The following SHISA6 variants were observed in gnomAD, a reference collection of about 807,000 sequenced individuals.
SHISA6 encodes the protein shisa family member 6.
In SHISA6, 22 loss-of-function variants were observed where a neutral mutation model predicts 47.9. The ratio of observed to expected loss-of-function variants is 0.46; its 90% CI spans 0.33 to 0.66. The LOEUF is 0.66. Among genes scored for constraint, SHISA6 ranks in the 30% least tolerant of loss-of-function variants. SHISA6 has a pLI of 0.02. For synonymous variants in SHISA6, 388 were observed against 337.8 expected (o/e 1.15, Z -1.63); for missense variants, 680 against 764.6 (o/e 0.89, Z 1.30).
At position 11,530,867 on chromosome 17, in the gene SHISA6, G is replaced by A. The variant is rs143217242; in HGVS notation, c.896-21029G>A. Among the ~76,000 whole-genome samples, 230 of 152,264 alleles carry A rather than the reference G, an allele frequency of 1.5e-3. 2 individuals carry two copies. The East Asian group carries it at 0.016, about 10-fold the overall frequency. ...TGTAATGATGGCCGACGTTTCTCAC[G>A]CTAACAAGCTAACTTTCTTCACCAT... On this transcript the variant is annotated intron_variant, in intron 3 of 5. Transcript: ENST00000441885.
intron 3 of SHISA6, among the ~76,000 whole-genome samples, chr17:11,444,295 G>A (rs1239301531): frequency 6.6e-6 from 1 of 152,064 alleles, no homozygotes; most frequent in African/African-American, 2.4e-5. Flanking sequence ...CTCTAGCCTA[G>A]GTGACAGAGT....
intron 2 of SHISA6, among the ~76,000 whole-genome samples, chr17:11,279,911 C>G (rs1909064261): frequency 6.6e-6 from 1 of 152,120 alleles, no homozygotes. Context: ...AAACACCTGG[C>G]TCCTTAGATT....
At chr17:11,369,701 C>T (rs769726666) in intron 2 of SHISA6, among the ~76,000 whole-genome samples, 6 of 152,114 alleles carry the variant, frequency 3.9e-5, no homozygotes, top group Admixed American at 6.5e-5. Context: ...CTCTTCTGCC[C>T]GGCTCTTTTC....
chr17:11,410,499 G>C (rs2142271874), intron 3 of SHISA6, among the ~76,000 whole-genome samples: 1 of 152,290 alleles, frequency 6.6e-6, no homozygotes, highest in South Asian at 2.1e-4. Flanking sequence ...GGTCCAATTA[G>C]AGTTAGGGTT....
At chr17:11,331,740 TCAAACACA>T (rs1464534025) in intron 2 of SHISA6, among the ~76,000 whole-genome samples, 1 of 105,836 alleles carries the variant, frequency 9.4e-6, no homozygotes, top group Admixed American at 1.0e-4. Flanking sequence ...CAGGGCTCTC[TCAAACACA>T]CACACACACA....
chr17:11,334,769 A>T (rs1466926668), intron 2 of SHISA6, among the ~76,000 whole-genome samples: 1 of 152,210 alleles, frequency 6.6e-6, no homozygotes, highest in Admixed American at 6.5e-5. Context: ...TGTGGATGGA[A>T]TACTGGCCTT....
intron 2 of SHISA6, among the ~76,000 whole-genome samples, chr17:11,287,044 T>C (rs1909324920): frequency 6.6e-6 from 1 of 152,210 alleles, no homozygotes; most frequent in Non-Finnish European, 1.5e-5. Context: ...ACTTTAACAA[T>C]TTTTATTACT....
chr17:11,557,667 T>C, intron 5 of SHISA6, 87 bp from the exon 6 acceptor site: 2 of 1,309,228 alleles, frequency 1.5e-6, no homozygotes, highest in South Asian at 3.0e-5. Flanking sequence ...AGGTCTGTGA[T>C]GGAGCAGGAG....
intron 3 of SHISA6, among the ~76,000 whole-genome samples, chr17:11,442,068 C>T (rs1915108975): frequency 6.6e-6 from 1 of 152,194 alleles, no homozygotes; most frequent in African/African-American, 2.4e-5. Context: ...TATCCTTTTT[C>T]TGGGTGTATA....
chr17:11,508,280 G>C (rs2071516843), intron 3 of SHISA6, among the ~76,000 whole-genome samples: 1 of 152,218 alleles, frequency 6.6e-6, no homozygotes, highest in Admixed American at 6.5e-5. Flanking sequence ...TCTGGAGTTT[G>C]GAAGTCCAAG....
intron 3 of SHISA6, among the ~76,000 whole-genome samples, chr17:11,454,753 T>A (rs1448340828): frequency 6.6e-6 from 1 of 152,232 alleles, no homozygotes; most frequent in South Asian, 2.1e-4. Context: ...TTATAGACAT[T>A]TGTTCACTCA....
chr17:11,269,289 C>T (rs1310274414), intron 2 of SHISA6, among the ~76,000 whole-genome samples: 1 of 152,126 alleles, frequency 6.6e-6, no homozygotes, highest in East Asian at 1.9e-4. Context: ...ACCCACCCAC[C>T]GTGGCCTCCC....
chr17:11,560,270 T>C lies in SHISA6; in HGVS notation c.*1966T>C, dbSNP rs1444350445. On this transcript the variant is annotated 3_prime_UTR_variant, in exon 6 of 6. Coordinates refer to ENST00000441885, the MANE Select transcript of SHISA6 (RefSeq NM_207386.4). ...ATCTTAGGGGGATGGAGGCTGGGGG[T>C]TGTGAAAGCCACTGTCAGACCCCAC... 1 of 152,282 alleles carries C rather than the reference T, an allele frequency of 6.6e-6. No individual in the cohort carries two copies. The highest frequency in any genetic ancestry group is 1.9e-4 in the East Asian group (1 of 5,178). 9.4% of individuals were successfully genotyped at this position (152,282 alleles called of 1,614,324 possible).
At chr17:11,547,502 C>G (rs2071893140) in intron 3 of SHISA6, among the ~76,000 whole-genome samples, 1 of 152,134 alleles carries the variant, frequency 6.6e-6, no homozygotes, top group Non-Finnish European at 1.5e-5. Flanking sequence ...AATTACAGAT[C>G]ATTTAGGATA....
intron 2 of SHISA6, among the ~76,000 whole-genome samples, chr17:11,273,916 G>GTTAATT (rs5819310): frequency 0.95 from 145,302 of 152,172 alleles, 69,650 homozygotes; most frequent in East Asian, 1. Context: ...GCGAGGAAGC[G>GTTAATT]CATCATTTTA....
At chr17:11,246,896 A>G (rs1294173364) in intron 1 of SHISA6, among the ~76,000 whole-genome samples, 1 of 152,052 alleles carries the variant, frequency 6.6e-6, no homozygotes, top group African/African-American at 2.4e-5. Flanking sequence ...CAAATTCCCT[A>G]CACTGTGCAA....
intron 2 of SHISA6, among the ~76,000 whole-genome samples, chr17:11,291,117 C>T (rs969833507): frequency 7.9e-5 from 12 of 151,760 alleles, no homozygotes; most frequent in African/African-American, 2.4e-4. Flanking sequence ...CAGTAGTGGG[C>T]GATTCGAGGG....
intron 3 of SHISA6, among the ~76,000 whole-genome samples, chr17:11,399,641 C>T (rs1208157662): frequency 6.6e-6 from 1 of 152,148 alleles, no homozygotes; most frequent in Non-Finnish European, 1.5e-5. Flanking sequence ...ATGCTGGTCT[C>T]GAGCTCCTCA....
intron 2 of SHISA6, among the ~76,000 whole-genome samples, chr17:11,273,868 C>T (rs1204814534): frequency 6.6e-6 from 1 of 151,834 alleles, no homozygotes; most frequent in African/African-American, 2.4e-5. Flanking sequence ...AAACTTATGG[C>T]CAAATCACCA....
Sources: allele counts gnomAD v4.1 joint callset (sites outside exome capture counted in the v4.1 genomes callset), GRCh38; gene constraint gnomAD v4.1.1; transcripts MANE v1.5; gene names NCBI Gene and HGNC (gene_info 2026-07-23, HGNC 2026-07-21).